PAK5: variants seen among roughly 807,000 people sequenced by gnomAD.
The protein encoded by PAK5 is serine/threonine-protein kinase PAK 5.
In PAK5, 16 loss-of-function variants were observed where a neutral mutation model predicts 65.9. The ratio of observed to expected loss-of-function variants is 0.24; its 90% CI spans 0.16 to 0.37. The LOEUF (loss-of-function observed/expected upper bound fraction) is 0.37, where lower values mean the gene tolerates loss of function less well. Among genes scored for constraint, PAK5 ranks in the 10% least tolerant of loss-of-function variants. PAK5 has a pLI of 1.00. For missense variants in PAK5, 785 were observed against 903.9 expected (o/e 0.87, Z 1.69); for synonymous variants, 371 against 354.9 (o/e 1.05, Z -0.51).
At chr20:9,674,305 A>G (rs986211892) in intron 2 of PAK5, among the ~76,000 whole-genome samples, 6 of 152,034 alleles carry the variant, frequency 3.9e-5, no homozygotes, top group Non-Finnish European at 7.4e-5. Flanking sequence ...GATTACTAAG[A>G]TACATAGATT....
chr20:9,812,845 A>G (rs1251724547), intron 1 of PAK5, among the ~76,000 whole-genome samples: 1 of 152,122 alleles, frequency 6.6e-6, no homozygotes, highest in Non-Finnish European at 1.5e-5. Context: ...GAAATAATAA[A>G]TGCTTGATGT....
chr20:9,805,498 A>G (rs2049220677), intron 1 of PAK5, among the ~76,000 whole-genome samples: 1 of 152,234 alleles, frequency 6.6e-6, no homozygotes. Flanking sequence ...TGAATGGATA[A>G]ACAAGATGTG....
chr20:9,673,435 A>C (rs1341057155), intron 2 of PAK5, among the ~76,000 whole-genome samples: 1 of 152,220 alleles, frequency 6.6e-6, no homozygotes, highest in East Asian at 1.9e-4. Flanking sequence ...GGTTTTGAGC[A>C]CTGGAAATGT....
At chr20:9,662,615 C>T (rs1386304856) in intron 2 of PAK5, among the ~76,000 whole-genome samples, 4 of 152,100 alleles carry the variant, frequency 2.6e-5, no homozygotes, top group Non-Finnish European at 5.9e-5. Flanking sequence ...GTAGAAGGAG[C>T]CTGGATCCCT....
chr20:9,823,016 A>T (rs781301549), intron 1 of PAK5, among the ~76,000 whole-genome samples: 46 of 152,362 alleles, frequency 3.0e-4, no homozygotes, highest in Non-Finnish European at 4.3e-4. Context: ...TTGGAACTTA[A>T]ACCTGAAGGT....
In PAK5 at chr20:9,580,643, G is replaced by T; in HGVS notation, c.492C>A (p.His164Gln). 3 of 1,614,022 alleles carry T rather than the reference G, an allele frequency of 1.9e-6. No individual in the cohort carries two copies. The highest frequency in any genetic ancestry group is 2.5e-6 in the Non-Finnish European group (3 of 1,179,976). The change falls in exon 4 of 10, where the codon CAC becomes CAA. Residue 164 changes from histidine (H) to glutamine (Q), a missense_variant. Physicochemically the swap from His to Gln is conservative, Grantham distance 24. Transcript: ENST00000353224. ...TTACGTGCCCATTTTGCTTGGCTGC[G>T]TGGCTGCCTCTATAATACGGATCCA... Reference protein sequence around the residue: ...DDLDPYYRGSHAAKQNGHVMK... With the variant: ...DDLDPYYRGSQAAKQNGHVMK...
chr20:9,838,832 A>G lies in PAK5; in HGVS notation c.-232T>C, dbSNP rs1191606328. The G allele has an allele frequency of 6.9e-6, 1 of 145,346 alleles. No individual in the cohort carries two copies. Among genetic ancestry groups the G allele is most frequent in the Non-Finnish European group, 1.5e-5 (1 of 66,004 alleles). The allele number at this position is 145,346 out of a possible 1,614,324, so 9.0% of individuals were successfully genotyped here. A position where few individuals can be genotyped will look rare whatever the true frequency, so the allele number is the denominator to read the frequency against. On this transcript the variant is annotated 5_prime_UTR_variant, in exon 1 of 10. The change abolishes an upstream ATG in the 5' untranslated region. Coordinates refer to ENST00000353224, the MANE Select transcript of PAK5 (RefSeq NM_177990.4). This position sits in a 1 kb window ranked among gnomAD's most constrained non-coding sequence, Gnocchi z 4.5. ...CAGCTGCTACAGCGCTCCCAGCGCCATGTTCCCGGTCTCCCCGGGCGCACG... is the reference window on the plus strand; with the variant it reads ...CAGCTGCTACAGCGCTCCCAGCGCCGTGTTCCCGGTCTCCCCGGGCGCACG...
At chr20:9,560,168 C>T (rs898160134) in intron 6 of PAK5, among the ~76,000 whole-genome samples, 10 of 152,156 alleles carry the variant, frequency 6.6e-5, no homozygotes, top group African/African-American at 2.4e-4. Context: ...GACTGGAACA[C>T]GTGACAAATA....
In PAK5 at chr20:9,604,608, C is replaced by A. The variant is rs566428926; in HGVS notation, c.205-23678G>T. Among the ~76,000 whole-genome samples, 4 of 152,318 alleles carry A rather than the reference C, an allele frequency of 2.6e-5. No individual in the cohort carries two copies. In the East Asian group the frequency reaches 7.7e-4, roughly 29 times the overall value. On this transcript the variant is annotated intron_variant, in intron 3 of 9. Coordinates refer to ENST00000353224, the MANE Select transcript of PAK5 (RefSeq NM_177990.4). ...CTAGAGCCAAAGCTTGTTCTCTTAGCTAGAAATCCTATTCACACCCCTGCA... is the reference window on the plus strand; with the variant it reads ...CTAGAGCCAAAGCTTGTTCTCTTAGATAGAAATCCTATTCACACCCCTGCA...
In PAK5 at chr20:9,701,377, G is replaced by A. The variant is rs187757845; in HGVS notation, c.-12+9909C>T. 3.6e-3 allele frequency among the ~76,000 whole-genome samples: 551 copies of A among 152,272 alleles called. 1 individual carries two copies. The highest frequency in any genetic ancestry group is 6.2e-3 in the Non-Finnish European group (422 of 68,006). ...TCCATAAATAAGGAATGTGTGGAGA[G>A]GGGACCAGCTGAGCTTGCCTCTGAC... On this transcript the variant is annotated intron_variant, in intron 2 of 9. Coordinates refer to ENST00000353224, the MANE Select transcript of PAK5 (RefSeq NM_177990.4).
At chr20:9,582,670 T>C (rs916995283) in intron 3 of PAK5, among the ~76,000 whole-genome samples, 4 of 152,146 alleles carry the variant, frequency 2.6e-5, no homozygotes, top group Non-Finnish European at 5.9e-5. Context: ...TTAAGCTTTA[T>C]CTTCTTGGGT....
intron 1 of PAK5, among the ~76,000 whole-genome samples, chr20:9,756,198 A>G (rs941433509): frequency 1.3e-5 from 2 of 152,248 alleles, no homozygotes; most frequent in African/African-American, 2.4e-5. Flanking sequence ...TTTTCAAAAT[A>G]CTAATATTAA....
intron 3 of PAK5, among the ~76,000 whole-genome samples, chr20:9,626,071 G>A (rs2046839786): frequency 6.6e-6 from 1 of 152,222 alleles, no homozygotes; most frequent in Non-Finnish European, 1.5e-5. Flanking sequence ...TGGATTCAAA[G>A]ACTCGACCTT....
chr20:9,668,829 C>T lies in PAK5; in HGVS notation c.-11-24490G>A, dbSNP rs145155297. ...GATCTGGATCTATTAAGGCAGTTAC[C>T]TAAGTGCAGAAATAAAAGGGAATAT... On this transcript the variant is annotated intron_variant, in intron 2 of 9. Coordinates refer to ENST00000353224, the MANE Select transcript of PAK5 (RefSeq NM_177990.4). Among the ~76,000 whole-genome samples the T allele has an allele frequency of 8.0e-4, 122 of 152,238 alleles. 2 individuals are homozygous for T. In the Middle Eastern group the frequency reaches 0.027, roughly 34 times the overall value.
chr20:9,828,109 A>ACAGG (rs2123784212), intron 1 of PAK5, among the ~76,000 whole-genome samples: 1 of 152,310 alleles, frequency 6.6e-6, no homozygotes, highest in African/African-American at 2.4e-5. Flanking sequence ...TGCTGGGATT[A>ACAGG]CAGGCGTGAG....
At chr20:9,630,670 T>A (rs1286251064) in intron 3 of PAK5, among the ~76,000 whole-genome samples, 1 of 152,208 alleles carries the variant, frequency 6.6e-6, no homozygotes, top group Non-Finnish European at 1.5e-5. Context: ...CTACTCAGGA[T>A]GCAAACATGT....
At chr20:9,768,969 A>C (rs1345485687) in intron 1 of PAK5, among the ~76,000 whole-genome samples, 2 of 152,284 alleles carry the variant, frequency 1.3e-5, no homozygotes, top group East Asian at 3.9e-4. Context: ...CAGTTTTGCT[A>C]TCTAATTGCC....
chr20:9,613,369 G>A (rs150564364), intron 3 of PAK5, among the ~76,000 whole-genome samples: 1 of 152,310 alleles, frequency 6.6e-6, no homozygotes, highest in Non-Finnish European at 1.5e-5. Context: ...AGGCAGAACT[G>A]TCCATGGGAA....
intron 1 of PAK5, among the ~76,000 whole-genome samples, chr20:9,775,998 TGTA>T (rs547747281): frequency 3.1e-4 from 47 of 152,326 alleles, no homozygotes; most frequent in African/African-American, 1.1e-3. Flanking sequence ...TTTGGTATCA[TGTA>T]GTAAAGAAAT....
Sources: allele counts gnomAD v4.1 joint callset (sites outside exome capture counted in the v4.1 genomes callset), GRCh38; gene constraint gnomAD v4.1.1; non-coding constraint Gnocchi (gnomAD v3.1); transcripts MANE v1.5; gene names NCBI Gene and HGNC (gene_info 2026-07-23, HGNC 2026-07-21).